TMEM25: variants seen among roughly 807,000 people sequenced by gnomAD.
TMEM25 encodes the protein transmembrane protein 25.
TMEM25 carries 36 observed loss-of-function variants against 37.0 expected under a neutral mutation model. That is an observed-to-expected ratio of 0.97 (90% CI 0.75 to 1.28). The LOEUF (loss-of-function observed/expected upper bound fraction) is 1.28. Among genes scored for constraint, TMEM25 ranks in the 50% most tolerant of loss-of-function variants. The probability of loss-of-function intolerance (pLI) is 0.00; values close to 1 mark genes in which losing one functional copy is unlikely to be tolerated. For missense variants in TMEM25, 444 were observed against 477.9 expected (o/e 0.93, Z 0.66); for synonymous variants, 197 against 203.7 (o/e 0.97, Z 0.28).
In TMEM25 at chr11:118,535,487, G is replaced by C. The variant is rs1169311194; in HGVS notation, c.*907G>C. 1.3e-6 allele frequency: 2 copies of C among 1,525,758 alleles called. No homozygotes were observed. Among genetic ancestry groups the C allele is most frequent in the Non-Finnish European group, 8.8e-7 (1 of 1,139,856 alleles). The allele number at this position is 1,525,758 out of a possible 1,614,324, so 94.5% of individuals were successfully genotyped here. A position where few individuals can be genotyped will look rare whatever the true frequency, so the allele number is the denominator to read the frequency against. The stretch of plus-strand genomic sequence containing the variant: ...CACTGTGAGTGTCCTGAGCTCTCGG[G>C]GTTGATGGTTTTTCTCTCAGCATGT... On this transcript the variant is annotated 3_prime_UTR_variant, in exon 9 of 9. Coordinates refer to ENST00000313236, the MANE Select transcript of TMEM25 (RefSeq NM_032780.4).
Position 118,541,565 on chromosome 11 carries a change from T to A in TMEM25, c.1028-4554T>A, listed in dbSNP as rs146184913. ...CAATACCTAAAACTGGGTCATTTAT[T>A]AAAAACAAATTTTTTAAAAAAAATT... On this transcript the variant is annotated intron_variant, in intron 8 of 8. Transcript: ENST00000354284. Among the ~76,000 whole-genome samples, 195 of 152,264 alleles carry A rather than the reference T, an allele frequency of 1.3e-3. 1 individual carries two copies. The Middle Eastern group carries it at 0.02, about 16-fold the overall frequency.
Position 118,543,896 on chromosome 11 carries a change from T to C in TMEM25, c.1028-2223T>C, listed in dbSNP as rs1951617180. On this transcript the variant is annotated intron_variant, in intron 8 of 8. Transcript: ENST00000354284. ...ATCTTAGCTCACTGTAACCTCCACCTCACGGATTCAAGTGATTCTTCTGCC... is the reference window on the plus strand; with the variant it reads ...ATCTTAGCTCACTGTAACCTCCACCCCACGGATTCAAGTGATTCTTCTGCC... 4.0e-5 allele frequency among the ~76,000 whole-genome samples: 6 copies of C among 150,480 alleles called. No individual in the cohort carries two copies. The South Asian group carries it at 1.3e-3, about 32-fold the overall frequency.
Position 118,535,690 on chromosome 11 carries a change from G to T in TMEM25, c.*1110G>T. 1 of 1,462,612 alleles carries T rather than the reference G, an allele frequency of 6.8e-7. No individual in the cohort carries two copies. Among genetic ancestry groups the T allele is most frequent in the Non-Finnish European group, 9.0e-7 (1 of 1,107,444 alleles). The allele number at this position is 1,462,612 out of a possible 1,614,324, so 90.6% of individuals were successfully genotyped here. ...AAGTGACCTAAGAACACTTTAAAAA[G>T]CAACATGTAAATGATTGGAAATTAA... On this transcript the variant is annotated 3_prime_UTR_variant, in exon 9 of 9. Transcript: ENST00000313236.
chr11:118,536,988 CCT>C (rs782108235), downstream of TMEM25, among the ~76,000 whole-genome samples: 4 of 152,152 alleles, frequency 2.6e-5, no homozygotes, highest in Non-Finnish European at 5.9e-5. Context: ...GATCCTCCCA[CCT>C]CAGCCTCATG....
chr11:118,535,669 G>T lies in TMEM25; in HGVS notation c.*1089G>T. 1 of 1,498,902 alleles carries T rather than the reference G, an allele frequency of 6.7e-7. No individual in the cohort carries two copies. The highest frequency in any genetic ancestry group is 1.2e-5 in the South Asian group (1 of 80,420). 92.9% of individuals were successfully genotyped at this position (1,498,902 alleles called of 1,614,324 possible). ...AGAAGGAGACCACATACCCCAAAGT[G>T]ACCTAAGAACACTTTAAAAAGCAAC... On this transcript the variant is annotated 3_prime_UTR_variant, in exon 9 of 9. Transcript: ENST00000313236.
chr11:118,531,319 C>G (rs17551786), intron 1 of TMEM25, 85 bp downstream of exon 1: 1 of 332,598 alleles, frequency 3.0e-6, no homozygotes, highest in Middle Eastern at 3.8e-4. Flanking sequence ...CGACATCCAC[C>G]GGAGCCACCA....
rs1236087407 is a variant in TMEM25, at chr11:118,532,186, C to T, written c.107C>T (p.Thr36Ile). 5 of 1,596,936 alleles carry T rather than the reference C, an allele frequency of 3.1e-6. No homozygotes were observed. In the Admixed American group the frequency reaches 5.1e-5, roughly 16 times the overall value. Residue 36 changes from threonine to isoleucine, a missense_variant, in exon 3 of 9, where the codon ACC (threonine) becomes ATC (isoleucine). Transcript: ENST00000313236. ...TTGGAGCCACAAATAGATGGTCAGA[C>T]CTGGGCTGAGCGGGCACTTCGGGAG... ...GELEPQIDGQ[T>I]WAERALRENE... is the part of the protein sequence containing the mutation.
In TMEM25 at chr11:118,535,537, C is replaced by T; in HGVS notation, c.*957C>T. 2 of 1,535,852 alleles carry T rather than the reference C, an allele frequency of 1.3e-6. No homozygotes were observed. The highest frequency in any genetic ancestry group is 8.7e-7 in the Non-Finnish European group (1 of 1,146,728). ...TCTCCTCCACCACGGGACCCCAGCCCTGACCAACCCATGGTTGCCTCATCA... is the reference window on the plus strand; with the variant it reads ...TCTCCTCCACCACGGGACCCCAGCCTTGACCAACCCATGGTTGCCTCATCA... On this transcript the variant is annotated 3_prime_UTR_variant, in exon 9 of 9. Coordinates refer to ENST00000313236, the MANE Select transcript of TMEM25 (RefSeq NM_032780.4).
At position 118,533,258 on chromosome 11, in the gene TMEM25, T is replaced by C. The variant is rs1347175858; in HGVS notation, c.673+51T>C. 1.9e-6 allele frequency: 3 copies of C among 1,558,356 alleles called. No individual in the cohort carries two copies. In the African/African-American group the frequency reaches 4.1e-5, roughly 21 times the overall value. On this transcript the variant is annotated intron_variant, in intron 4 of 8. Coordinates refer to ENST00000313236, the MANE Select transcript of TMEM25 (RefSeq NM_032780.4). ...GCAAAGCTTCAGGTGGGCTCAGGGG[T>C]CCCGTCCCCATACAGAAATGGGAAT...
Position 118,533,186 on chromosome 11 carries a change from A to G in TMEM25, c.652A>G (p.Ser218Gly). The change falls in exon 4 of 9, where the codon AGT becomes GGT. Residue 218 changes from serine (S) to glycine (G), a missense_variant. By Grantham distance (56) the Ser-to-Gly change is moderately conservative. Transcript: ENST00000313236. ...VVATNDVGVTSASLPAPGLLA... is the reference protein window; with the variant it reads ...VVATNDVGVTGASLPAPGLLA... ...GGCCACCAATGACGTGGGTGTCACC[A>G]GTGCGTCGCTTCCAGCCCCAGGTGA... 1 of 1,601,670 alleles carries G rather than the reference A, an allele frequency of 6.2e-7. No homozygotes were observed. The highest frequency in any genetic ancestry group is 8.5e-7 in the Non-Finnish European group (1 of 1,177,872).
Position 118,533,160 on chromosome 11 carries a change from T to C in TMEM25, c.626T>C (p.Val209Ala). Residue 209 changes from valine to alanine, a missense_variant, in exon 4 of 9, where the codon GTG becomes GCG. Val to Ala is a moderately conservative substitution (Grantham distance 64). Transcript: ENST00000313236. ...AGCCTGGCACACAACCTCTCGGTGG[T>C]GGCCACCAATGACGTGGGTGTCACC... The part of the protein sequence containing the change: ...LRSLAHNLSV[V>A]ATNDVGVTSA... The C allele has an allele frequency of 6.2e-7, 1 of 1,607,422 alleles. No homozygotes were observed.
In TMEM25 at chr11:118,532,156, G is replaced by T; in HGVS notation, c.77G>T (p.Gly26Val). The change falls in exon 3 of 9, where the codon GGG becomes GTG. Residue 26 changes from glycine (G) to valine (V), a missense_variant. Coordinates refer to ENST00000313236, the MANE Select transcript of TMEM25 (RefSeq NM_032780.4). ...LLPALLSSGWGELEPQIDGQT... is the reference protein window; with the variant it reads ...LLPALLSSGWVELEPQIDGQT... Reference sequence around the variant, plus strand: ...GCCTCCTGCTGTGTTCCAGGTTGGGGGGAGTTGGAGCCACAAATAGATGGT... The same window carrying T: ...GCCTCCTGCTGTGTTCCAGGTTGGGTGGAGTTGGAGCCACAAATAGATGGT... 6.4e-7 allele frequency: 1 copy of T among 1,563,136 alleles called. No individual in the cohort carries two copies. Among genetic ancestry groups the T allele is most frequent in the African/African-American group, 1.3e-5 (1 of 74,184 alleles).
intron 8 of TMEM25, among the ~76,000 whole-genome samples, chr11:118,541,475 A>G (rs10892241): frequency 2.1e-4 from 29 of 137,318 alleles, no homozygotes; most frequent in Non-Finnish European, 3.4e-4. Flanking sequence ...AAAAAAAAAA[A>G]AAAAGAAAAA....
chr11:118,546,872 C>A (rs1290334862), downstream of TMEM25: 1 of 152,214 alleles, frequency 6.6e-6, no homozygotes, highest in Admixed American at 6.5e-5. Flanking sequence ...ACTCAGGTAA[C>A]AGGCTCTGGA....
chr11:118,539,458 G>A (rs371552657), downstream of TMEM25, among the ~76,000 whole-genome samples: 5 of 152,116 alleles, frequency 3.3e-5, no homozygotes, highest in African/African-American at 9.7e-5. Context: ...GAGCCACCGC[G>A]CCTGGCCAGG....
In TMEM25 at chr11:118,534,470, C is replaced by T. The variant is rs781926040; in HGVS notation, c.1028-37C>T. 26 of 1,613,520 alleles carry T rather than the reference C, an allele frequency of 1.6e-5. No homozygotes were observed. Among genetic ancestry groups the T allele is most frequent in the South Asian group, 3.3e-5 (3 of 90,986 alleles). On this transcript the variant is annotated intron_variant, in intron 8 of 8. Transcript: ENST00000313236. This position sits in a 1 kb window ranked among gnomAD's most constrained non-coding sequence, Gnocchi z 4.6. ...AGCTCTCCAAATTCCAAGGAACAAG[C>T]GTTACTGAGTCCCCGCGGGCTTCTT...
chr11:118,544,025 G>A (rs1951619072), intron 8 of TMEM25, among the ~76,000 whole-genome samples: 1 of 151,670 alleles, frequency 6.6e-6, no homozygotes, highest in South Asian at 2.1e-4. Flanking sequence ...GGCCAGGCTG[G>A]TCTCGAACTC....
chr11:118,541,611 C>T (rs1951580527), intron 8 of TMEM25, among the ~76,000 whole-genome samples: 1 of 151,960 alleles, frequency 6.6e-6, no homozygotes, highest in African/African-American at 2.4e-5. Context: ...TTTAGATACA[C>T]AGGGTACATG....
chr11:118,534,170 A>G lies in TMEM25; in HGVS notation c.937+41A>G. The G allele has an allele frequency of 1.2e-5, 19 of 1,613,134 alleles. No homozygotes were observed. The highest frequency in any genetic ancestry group is 1.6e-5 in the Non-Finnish European group (19 of 1,179,210). ...TGCTCTTTGCCCCTGCTTAATCTCC[A>G]GAAGTGCTTCTGAGAAAAAGAACTT... is the stretch of plus-strand genomic sequence containing the variant. On this transcript the variant is annotated intron_variant, in intron 7 of 8. Transcript: ENST00000313236. The surrounding 1 kb of genome is among the most constrained non-coding windows in gnomAD (Gnocchi z 4.6).
Sources: gnomAD v4.1 joint callset for allele counts (sites outside exome capture counted in the v4.1 genomes callset) on GRCh38, gnomAD v4.1.1 for gene constraint, Gnocchi (gnomAD v3.1) non-coding constraint, MANE v1.5 for transcripts, NCBI Gene and HGNC (gene_info 2026-07-23, HGNC 2026-07-21) for gene names.